TENM2: variants seen among roughly 807,000 people sequenced by gnomAD.
The protein encoded by TENM2 is teneurin transmembrane protein 2.
TENM2 carries 52 observed loss-of-function variants against 245.2 expected under a neutral mutation model. That is an observed-to-expected ratio of 0.21 (90% CI 0.17 to 0.27). The LOEUF is 0.27. Among genes scored for constraint, TENM2 ranks in the 10% least tolerant of loss-of-function variants. The pLI, the probability that TENM2 is intolerant of heterozygous loss-of-function variation, is 1.00. For synonymous variants in TENM2, 1,363 were observed against 1,438.9 expected, an observed-to-expected ratio of 0.95 and a Z score of 1.19; for missense variants, 3,046 against 3,666.8, an observed-to-expected ratio of 0.83 and a Z score of 4.37.
chr5:167,514,237 T>C (rs1770159065), intron 2 of TENM2, among the ~76,000 whole-genome samples: 1 of 152,174 alleles, frequency 6.6e-6, no homozygotes. Context: ...AAACATGCCA[T>C]CCCTATTTTG....
At chr5:167,442,999 T>A (rs943237332) in intron 2 of TENM2, among the ~76,000 whole-genome samples, 5 of 152,280 alleles carry the variant, frequency 3.3e-5, no homozygotes, top group African/African-American at 1.2e-4. Context: ...ACATTATCCT[T>A]TCTGGGCTAA....
chr5:166,980,524 A>G, the TENM2 span, among the ~76,000 whole-genome samples: 2 of 152,202 alleles, frequency 1.3e-5, no homozygotes, highest in Non-Finnish European at 2.9e-5. Context: ...CATTCATATC[A>G]TTTAAAGTTC....
At chr5:167,715,915 T>C (rs1411169019) in intron 2 of TENM2, among the ~76,000 whole-genome samples, 1 of 152,242 alleles carries the variant, frequency 6.6e-6, no homozygotes, top group Non-Finnish European at 1.5e-5. Flanking sequence ...TTTAAGCGAC[T>C]GAACATGTTT....
Position 167,523,182 on chromosome 5 carries a change from A to C in TENM2, c.502+147709A>C, listed in dbSNP as rs149266471. Among the ~76,000 whole-genome samples, 10 of 152,266 alleles carry C rather than the reference A, an allele frequency of 6.6e-5. 1 individual carries two copies. The East Asian group carries it at 1.9e-3, about 29-fold the overall frequency. ...TCCTCTCAAGATTATACCTGATCAG[A>C]TCTTTTGCCATTTAATGTAATAGCC... is the stretch of plus-strand genomic sequence containing the variant. On this transcript the variant is annotated intron_variant, in intron 2 of 28. Coordinates refer to ENST00000518659, the Ensembl canonical transcript of TENM2.
At chr5:167,396,746 G>T (rs900614531) in intron 2 of TENM2, among the ~76,000 whole-genome samples, 7 of 152,168 alleles carry the variant, frequency 4.6e-5, no homozygotes, top group Admixed American at 1.3e-4. Context: ...GCGAGACCAT[G>T]AAATGAGCAT....
chr5:167,449,927 C>T (rs1765476410), intron 2 of TENM2, among the ~76,000 whole-genome samples: 1 of 152,180 alleles, frequency 6.6e-6, no homozygotes, highest in Non-Finnish European at 1.5e-5. Flanking sequence ...CATTGCACTC[C>T]AGCCTGGGCA....
chr5:168,135,434 A>G (rs1754963258), intron 12 of TENM2, among the ~76,000 whole-genome samples: 1 of 152,206 alleles, frequency 6.6e-6, no homozygotes, highest in Admixed American at 6.5e-5. Context: ...TGCCTTTGGA[A>G]AATAGAATGC....
intron 2 of TENM2, among the ~76,000 whole-genome samples, chr5:167,603,341 T>A (rs1776782920): frequency 6.6e-6 from 1 of 152,152 alleles, no homozygotes. Context: ...AGACCATTTC[T>A]GGGAGTTAAA....
At chr5:167,503,119 G>A (rs1330610140) in intron 2 of TENM2, among the ~76,000 whole-genome samples, 1 of 152,082 alleles carries the variant, frequency 6.6e-6, no homozygotes, top group African/African-American at 2.4e-5. Context: ...GAGCCACCAC[G>A]CCTGGCCCAT....
At chr5:167,646,136 TTA>T (rs1414813049) in intron 2 of TENM2, among the ~76,000 whole-genome samples, 1 of 136,046 alleles carries the variant, frequency 7.4e-6, no homozygotes, top group Admixed American at 7.6e-5. Flanking sequence ...ATATATGTTT[TTA>T]TATATATATG....
chr5:167,999,427 G>C (rs1221110460), intron 5 of TENM2, among the ~76,000 whole-genome samples: 1 of 152,200 alleles, frequency 6.6e-6, no homozygotes, highest in East Asian at 1.9e-4. Context: ...TGATAATAAA[G>C]TCCTGTCAGT....
rs1554163338 is a variant in TENM2, at chr5:167,478,990, A to ATATATGTGTGTG, written c.502+103518_502+103519insATATGTGTGTGT. Among the ~76,000 whole-genome samples the ATATATGTGTGTG allele has an allele frequency of 6.1e-3, 916 of 151,362 alleles. 2 individuals are homozygous for ATATATGTGTGTG. The highest frequency in any genetic ancestry group is 0.01 in the Non-Finnish European group (706 of 67,716). ...GATTGCATATGACTACTTTATATATATGTGTGTGTGTGTGTATACAGGTAC... is the reference window on the plus strand; with the variant it reads ...GATTGCATATGACTACTTTATATATATATATGTGTGTGTGTGTGTGTGTGTGTATACAGGTAC... On this transcript the variant is annotated intron_variant, in intron 2 of 28. Transcript: ENST00000518659.
chr5:167,135,649 C>T, the TENM2 span, among the ~76,000 whole-genome samples: 1 of 152,052 alleles, frequency 6.6e-6, no homozygotes, highest in African/African-American at 2.4e-5. Context: ...GGGTGGCGCG[C>T]ACCTGTAGTC....
At chr5:167,512,033 G>A (rs544292242) in intron 2 of TENM2, among the ~76,000 whole-genome samples, 55 of 152,228 alleles carry the variant, frequency 3.6e-4, no homozygotes, top group South Asian at 6.2e-4. Flanking sequence ...GTGATGTTCC[G>A]TTTTAAGGAT....
At chr5:167,218,247 G>T in the TENM2 span, among the ~76,000 whole-genome samples, 4 of 152,074 alleles carry the variant, frequency 2.6e-5, no homozygotes, top group Non-Finnish European at 4.4e-5. Context: ...ATAATGTAAT[G>T]ATTGTTGTCT....
At chr5:167,921,213 G>A (rs985691012) in intron 3 of TENM2, among the ~76,000 whole-genome samples, 8 of 152,160 alleles carry the variant, frequency 5.3e-5, no homozygotes, top group African/African-American at 1.9e-4. Flanking sequence ...GAAGTTGTGT[G>A]ATAAATTATG....
At chr5:167,344,323 T>TAGATAG (rs1444624514) in intron 1 of TENM2, among the ~76,000 whole-genome samples, 46 of 123,646 alleles carry the variant, frequency 3.7e-4, no homozygotes, top group African/African-American at 1.3e-3. Flanking sequence ...TATATATATA[T>TAGATAG]ATATATAGAT....
At chr5:167,601,195 A>C (rs1776609754) in intron 2 of TENM2, among the ~76,000 whole-genome samples, 1 of 152,256 alleles carries the variant, frequency 6.6e-6, no homozygotes, top group South Asian at 2.1e-4. Context: ...CTGGTATAAT[A>C]GATGCTTGCT....
chr5:167,994,716 T>C (rs1309086657), intron 5 of TENM2, among the ~76,000 whole-genome samples: 1 of 152,162 alleles, frequency 6.6e-6, no homozygotes, highest in East Asian at 1.9e-4. Context: ...TTTGCAGAAG[T>C]GTAGCTTGCA....
Sources: allele counts gnomAD v4.1 joint callset (sites outside exome capture counted in the v4.1 genomes callset), GRCh38; gene constraint gnomAD v4.1.1; transcripts MANE v1.5; gene names NCBI Gene and HGNC (gene_info 2026-07-23, HGNC 2026-07-21).